Variants in IFT80 observed in about 807,000 individuals in gnomAD.
The protein encoded by IFT80 is intraflagellar transport protein 80 homolog.
Under a neutral mutation model 107.9 loss-of-function variants are expected in IFT80, and 79 were observed. The observed-to-expected ratio is 0.73, with a 90% CI of 0.61 to 0.88. The LOEUF is 0.88. IFT80 is among the 40% of genes least tolerant of loss of function. The probability of loss-of-function intolerance (pLI) is 0.00; values close to 1 mark genes in which losing one functional copy is unlikely to be tolerated. For synonymous variants in IFT80, 299 were observed against 300.9 expected, an observed-to-expected ratio of 0.99 and a Z score of 0.07; for missense variants, 797 against 914.2, an observed-to-expected ratio of 0.87 and a Z score of 1.65.
intron 19 of IFT80, among the ~76,000 whole-genome samples, chr3:160,264,866 C>T (rs1713172958): frequency 6.6e-6 from 1 of 152,028 alleles, no homozygotes; most frequent in South Asian, 2.1e-4. Context: ...ACTTTAAAGC[C>T]TTCCCTCTCC....
intron 19 of IFT80, among the ~76,000 whole-genome samples, chr3:160,260,593 G>A (rs981050847): frequency 4.6e-5 from 7 of 152,070 alleles, no homozygotes; most frequent in African/African-American, 9.7e-5. Context: ...TTTCACTTTC[G>A]CTTTGGCATT....
chr3:160,381,652 A>G lies in IFT80; in HGVS notation c.110T>C (p.Ile37Thr), dbSNP rs2108404443. ...ACTGGTTAACAAGTTCCACTTCACT[A>G]TCTGGTGATCATCACTACATGAATA... is the stretch of plus-strand genomic sequence containing the variant. ...ELYSCSDDHQ[I>T]VKWNLLTSET... The change falls in exon 3 of 20, where the codon ATA becomes ACA. Residue 37 changes from isoleucine to threonine, a missense_variant. Transcript: ENST00000326448. 6.2e-7 allele frequency: 1 copy of G among 1,612,452 alleles called. No individual in the cohort carries two copies.
intron 8 of IFT80, among the ~76,000 whole-genome samples, chr3:160,345,666 C>T (rs962384142): frequency 5.5e-5 from 8 of 144,404 alleles, no homozygotes; most frequent in African/African-American, 2.1e-4. Flanking sequence ...TGCACTCCAG[C>T]CTTGGCGAGA....
At chr3:160,324,387 A>G (rs1718513628) in intron 8 of IFT80, among the ~76,000 whole-genome samples, 1 of 152,140 alleles carries the variant, frequency 6.6e-6, no homozygotes, top group African/African-American at 2.4e-5. Context: ...TCAATAAAAT[A>G]CTGGCAAAAC....
intron 9 of IFT80, among the ~76,000 whole-genome samples, chr3:160,309,548 G>A (rs183569664): frequency 3.3e-5 from 5 of 152,164 alleles, no homozygotes; most frequent in South Asian, 2.1e-4. Flanking sequence ...TTAGCCAGGC[G>A]TGATGGCAGG....
chr3:160,305,061 A>G (rs936751858), intron 10 of IFT80, among the ~76,000 whole-genome samples: 3 of 152,250 alleles, frequency 2.0e-5, no homozygotes, highest in Admixed American at 2.0e-4. Flanking sequence ...GGTAACATGA[A>G]TCAAAGATCG....
At chr3:160,371,234 A>G (rs1711513992) in intron 5 of IFT80, among the ~76,000 whole-genome samples, 1 of 151,884 alleles carries the variant, frequency 6.6e-6, no homozygotes, top group Admixed American at 6.6e-5. Context: ...TAACAGCTTC[A>G]CTCCAATGCC....
At chr3:160,271,242 G>C (rs1010520128) in intron 18 of IFT80, among the ~76,000 whole-genome samples, 1 of 152,076 alleles carries the variant, frequency 6.6e-6, no homozygotes, top group Non-Finnish European at 1.5e-5. Flanking sequence ...AGGGTTTTGG[G>C]AACAGTATGT....
At chr3:160,395,581 A>T (rs974608878) in intron 1 of IFT80, among the ~76,000 whole-genome samples, 2 of 152,182 alleles carry the variant, frequency 1.3e-5, no homozygotes, top group African/African-American at 4.8e-5. Context: ...ATTCAAATCA[A>T]TGCTGGGGAA....
chr3:160,313,809 C>T (rs1053964197), intron 9 of IFT80, among the ~76,000 whole-genome samples: 1 of 152,014 alleles, frequency 6.6e-6, no homozygotes. Flanking sequence ...CGGGGTTTCA[C>T]TATGTTGGTC....
At chr3:160,353,115 T>C (rs1720832822) in intron 8 of IFT80, among the ~76,000 whole-genome samples, 1 of 152,230 alleles carries the variant, frequency 6.6e-6, no homozygotes, top group Non-Finnish European at 1.5e-5. Flanking sequence ...TAATAAACTA[T>C]GATACCTCAC....
intron 8 of IFT80, among the ~76,000 whole-genome samples, chr3:160,324,924 C>T (rs2108307349): frequency 6.6e-6 from 1 of 151,128 alleles, no homozygotes; most frequent in East Asian, 1.9e-4. Context: ...TAAGCAACTT[C>T]AGCAAAGTCT....
At chr3:160,388,051 T>C (rs1713077472) in intron 1 of IFT80, among the ~76,000 whole-genome samples, 1 of 152,184 alleles carries the variant, frequency 6.6e-6, no homozygotes, top group Admixed American at 6.5e-5. Flanking sequence ...AGGGATTTAT[T>C]TGTGGACATT....
chr3:160,313,842 T>C (rs530598656), intron 9 of IFT80, among the ~76,000 whole-genome samples: 7 of 152,144 alleles, frequency 4.6e-5, no homozygotes, highest in Admixed American at 3.3e-4. Flanking sequence ...ACTTCTGACC[T>C]TGTGATCCAC....
At chr3:160,344,657 TCA>T (rs1284395355) in intron 8 of IFT80, among the ~76,000 whole-genome samples, 2 of 152,034 alleles carry the variant, frequency 1.3e-5, no homozygotes, top group Admixed American at 1.3e-4. Flanking sequence ...AACAGACAAC[TCA>T]CAGAATTGGA....
chr3:160,282,341 T>TA (rs2108234265), intron 14 of IFT80, 137 bp downstream of exon 14: 4 of 649,714 alleles, frequency 6.2e-6, no homozygotes, highest in South Asian at 4.8e-5. Flanking sequence ...CCTACTTTTT[T>TA]AAAAAAAGGG....
rs1350607483 is a variant in IFT80, at chr3:160,288,893, G to C, written c.1316-3025C>G. 2.6e-5 allele frequency among the ~76,000 whole-genome samples: 4 copies of C among 152,220 alleles called. No homozygotes were observed. The East Asian group carries it at 7.7e-4, about 29-fold the overall frequency. ...ATTAGTTCAATCATTGTGGAGAGGAGTGTGGCAATTCCTGAAAGAGCTAAA... is the reference window on the plus strand; with the variant it reads ...ATTAGTTCAATCATTGTGGAGAGGACTGTGGCAATTCCTGAAAGAGCTAAA... On this transcript the variant is annotated intron_variant, in intron 12 of 19. Coordinates refer to ENST00000326448, the MANE Select transcript of IFT80 (RefSeq NM_020800.3).
At chr3:160,301,154 T>C (rs1716395541) in intron 11 of IFT80, 108 bp from the exon 12 acceptor site, 1 of 1,050,906 alleles carries the variant, frequency 9.5e-7, no homozygotes. Flanking sequence ...AATCTTACAA[T>C]TAATGTAAAT....
At chr3:160,325,620 A>T (rs567482619) in intron 8 of IFT80, among the ~76,000 whole-genome samples, 2 of 152,224 alleles carry the variant, frequency 1.3e-5, no homozygotes, top group African/African-American at 4.8e-5. Context: ...GGGAGCCAGA[A>T]GCGAATTTTG....
Sources: gnomAD v4.1 joint callset for allele counts (sites outside exome capture counted in the v4.1 genomes callset) on GRCh38, gnomAD v4.1.1 for gene constraint, MANE v1.5 for transcripts, NCBI Gene and HGNC (gene_info 2026-07-23, HGNC 2026-07-21) for gene names.